The following MTFR2 variants were observed in gnomAD, a reference collection of about 807,000 sequenced individuals.
MTFR2 encodes mitochondrial fission regulator 2.
MTFR2 carries 44 observed loss-of-function variants against 41.2 expected under a neutral mutation model. That is an observed-to-expected ratio of 1.07 (90% confidence interval 0.84 to 1.37). The LOEUF (loss-of-function observed/expected upper bound fraction) is 1.37, where lower values mean the gene tolerates loss of function less well. MTFR2 is among the 40% of genes most tolerant of loss of function. The probability of loss-of-function intolerance (pLI) is 0.00; values close to 1 mark genes in which losing one functional copy is unlikely to be tolerated. For missense variants in MTFR2, 452 were observed against 459.5 expected (o/e 0.98, Z 0.15); for synonymous variants, 141 against 154.6 (o/e 0.91, Z 0.65).
At chr6:136,245,106 T>C (rs1426441210) in intron 2 of MTFR2, among the ~76,000 whole-genome samples, 1 of 152,138 alleles carries the variant, frequency 6.6e-6, no homozygotes, top group African/African-American at 2.4e-5. Flanking sequence ...TAAACATATA[T>C]ACATTCCAGG....
intron 6 of MTFR2, among the ~76,000 whole-genome samples, chr6:136,236,841 G>A (rs1779920338): frequency 6.6e-6 from 1 of 152,140 alleles, no homozygotes. Flanking sequence ...TTCCAAGTAA[G>A]CATGGCAAAT....
intron 6 of MTFR2, among the ~76,000 whole-genome samples, chr6:136,236,046 T>C (rs544320319): frequency 2.6e-5 from 4 of 151,790 alleles, no homozygotes; most frequent in African/African-American, 9.7e-5. Context: ...CCACATGGAG[T>C]CACTGGTGAA....
Position 136,241,628 on chromosome 6 carries a change from A to C in MTFR2, c.330T>G (p.Pro110=). The C allele has an allele frequency of 6.2e-7, 1 of 1,613,438 alleles. No individual in the cohort carries two copies. Among genetic ancestry groups the C allele is most frequent in the Non-Finnish European group, 8.5e-7 (1 of 1,179,878 alleles). Residue 110 remains proline, a synonymous_variant, in exon 5 of 8, where the codon CCT becomes CCG. Transcript: ENST00000420702. The part of the protein sequence containing the change: ...NEEEKVEIFH[P]LRLVRDPLSP... ...ACAGTGGATCCCGAACTAGTCGCAAAGGATGAAAAATTTCCACTTTCTCTT... is the reference window on the plus strand; with the variant it reads ...ACAGTGGATCCCGAACTAGTCGCAACGGATGAAAAATTTCCACTTTCTCTT...
At chr6:136,244,710 G>T (rs965390242) in intron 3 of MTFR2, 55 bp downstream of exon 3, 2 of 1,209,260 alleles carry the variant, frequency 1.7e-6, no homozygotes, top group Non-Finnish European at 2.4e-6. Context: ...ACCTGTAAGA[G>T]TACCTAGGAT....
Position 136,238,678 on chromosome 6 carries a change from CCACA to C in MTFR2, c.869+784_869+787del, listed in dbSNP as rs60002962. Among the ~76,000 whole-genome samples the C allele has an allele frequency of 5.4e-3, 785 of 146,418 alleles. 2 individuals carry two copies. The highest frequency in any genetic ancestry group is 0.017 in the African/African-American group (661 of 39,794). On this transcript the variant is annotated intron_variant, in intron 6 of 7. Transcript: ENST00000420702. ...GAATAGAGCTCATTATGTTTTTTCA[CCACA>C]CACACACACACACACACACACACAC...
At position 136,235,918 on chromosome 6, in the gene MTFR2, G is replaced by A. The variant is rs370057450; in HGVS notation, c.870-2419C>T. 2.8e-4 allele frequency among the ~76,000 whole-genome samples: 42 copies of A among 152,064 alleles called. No individual in the cohort carries two copies. The East Asian group carries it at 4.5e-3, about 16-fold the overall frequency. On this transcript the variant is annotated intron_variant, in intron 6 of 7. Transcript: ENST00000420702. ...CTGCACTCCAGCCTGGCAACAGAGC[G>A]AGACTCCGTCTCAAAAAAAAAAAGA...
At chr6:136,246,777 A>G (rs748286578) in intron 2 of MTFR2, among the ~76,000 whole-genome samples, 3 of 152,184 alleles carry the variant, frequency 2.0e-5, no homozygotes, top group Non-Finnish European at 2.9e-5. Flanking sequence ...TACTGTAATT[A>G]CTCTTAGCTA....
At chr6:136,243,213 A>G (rs1455212715) in intron 3 of MTFR2, among the ~76,000 whole-genome samples, 2 of 152,198 alleles carry the variant, frequency 1.3e-5, no homozygotes, top group Non-Finnish European at 2.9e-5. Flanking sequence ...GCAAAATAAA[A>G]TTAAGCTCTT....
chr6:136,249,802 T>C (rs1303403584), intron 1 of MTFR2, among the ~76,000 whole-genome samples, 174 bp downstream of exon 1: 1 of 152,140 alleles, frequency 6.6e-6, no homozygotes, highest in African/African-American at 2.4e-5. Flanking sequence ...TCCCCAGCCA[T>C]GTGGAATGCC....
At position 136,233,467 on chromosome 6, in the gene MTFR2, T is replaced by C. The variant is rs1374150174; in HGVS notation, c.902A>G (p.Lys301Arg). ...TGGATCCCAATGTGAATTCTGTCTT[T>C]TCCTCTTATGAATGGGTCTACCGCC... is the stretch of plus-strand genomic sequence containing the variant. ...SPGGRPIHKR[K>R]RQNSHWDPVS... The change falls in exon 7 of 8, where the codon AAA (lysine) becomes AGA (arginine). Residue 301 changes from lysine (K) to arginine (R), a missense_variant. Coordinates refer to ENST00000420702, the MANE Select transcript of MTFR2 (RefSeq NM_001099286.3). 1.1e-5 allele frequency: 18 copies of C among 1,580,724 alleles called. No homozygotes were observed. The highest frequency in any genetic ancestry group is 1.4e-5 in the Non-Finnish European group (16 of 1,157,590).
chr6:136,243,706 C>A (rs1003880146), intron 3 of MTFR2, among the ~76,000 whole-genome samples: 1 of 141,392 alleles, frequency 7.1e-6, no homozygotes, highest in Non-Finnish European at 1.5e-5. Context: ...GACAGCAAGA[C>A]CTTATCTTAA....
intron 6 of MTFR2, among the ~76,000 whole-genome samples, chr6:136,237,559 C>A (rs1779939949): frequency 6.6e-6 from 1 of 152,090 alleles, no homozygotes; most frequent in Non-Finnish European, 1.5e-5. Context: ...CACCTGTAAT[C>A]CCAGCACTTT....
chr6:136,241,533 A>T lies in MTFR2; in HGVS notation c.425T>A (p.Ile142Lys). Residue 142 changes from isoleucine to lysine, a missense_variant, in exon 5 of 8, where the codon ATA becomes AAA. Physicochemically the swap from Ile to Lys is moderately radical, Grantham distance 102. Transcript: ENST00000420702. ...AGTCAGCTCATTTTCAAGGGCAGCT[A>T]TTTTTCTAATTGCAGCTTCATTTAC... ...LPVNEAAIRK[I>K]AALENELTFL... The T allele has an allele frequency of 6.2e-7, 1 of 1,614,120 alleles. No individual in the cohort carries two copies. The highest frequency in any genetic ancestry group is 8.5e-7 in the Non-Finnish European group (1 of 1,180,026).
At chr6:136,240,827 C>T (rs1490040929) in intron 5 of MTFR2, among the ~76,000 whole-genome samples, 1 of 148,444 alleles carries the variant, frequency 6.7e-6, no homozygotes, top group South Asian at 2.1e-4. Context: ...CGCGGTGGCT[C>T]ACGCCTGTAA....
At chr6:136,231,530 T>G in intron 7 of MTFR2, 142 bp from the exon 8 acceptor site, 1 of 606,930 alleles carries the variant, frequency 1.6e-6, no homozygotes, top group Non-Finnish European at 2.9e-6. Flanking sequence ...ACATAGTTAT[T>G]TGGCTATGTA....
At chr6:136,235,749 C>T (rs985085697) in intron 6 of MTFR2, among the ~76,000 whole-genome samples, 3 of 152,016 alleles carry the variant, frequency 2.0e-5, no homozygotes, top group Non-Finnish European at 2.9e-5. Flanking sequence ...CTGGCCAATA[C>T]GGTGAAACCC....
Position 136,241,777 on chromosome 6 carries a change from CA to C in MTFR2, c.282-102del, listed in dbSNP as rs1170345247. ...ACGTGAAAATCAAAAGACAATAAAA[CA>C]AAATAAAAGCTACTCTCAGGCCGGG... On this transcript the variant is annotated intron_variant, in intron 4 of 7. Coordinates refer to ENST00000420702, the MANE Select transcript of MTFR2 (RefSeq NM_001099286.3). 6 of 916,264 alleles carry C rather than the reference CA, an allele frequency of 6.5e-6. No homozygotes were observed. In the Admixed American group the frequency reaches 1.7e-4, roughly 26 times the overall value. The allele number at this position is 916,264 out of a possible 1,614,324, so 56.8% of individuals were successfully genotyped here.
chr6:136,236,045 G>A (rs748714363), intron 6 of MTFR2, among the ~76,000 whole-genome samples: 2 of 152,252 alleles, frequency 1.3e-5, no homozygotes, highest in Non-Finnish European at 2.9e-5. Context: ...GCCACATGGA[G>A]TCACTGGTGA....
rs1022503411 is a variant in MTFR2, at chr6:136,233,483, G to A, written c.886C>T (p.Pro296Ser). 1 of 1,524,566 alleles carries A rather than the reference G, an allele frequency of 6.6e-7. No homozygotes were observed. Among genetic ancestry groups the A allele is most frequent in the Non-Finnish European group, 8.9e-7 (1 of 1,127,784 alleles). 94.4% of individuals were successfully genotyped at this position (1,524,566 alleles called of 1,614,324 possible). The change falls in exon 7 of 8, where the codon CCC (proline) becomes TCC (serine). Residue 296 changes from proline (P) to serine (S), a missense_variant. Pro to Ser is a moderately conservative substitution (Grantham distance 74). Transcript: ENST00000420702. Reference protein sequence around the residue: ...RAIERSPGGRPIHKRKRQNSH... With the variant: ...RAIERSPGGRSIHKRKRQNSH... ...TTCTGTCTTTTCCTCTTATGAATGG[G>A]TCTACCGCCAGGTGACCTATTTTTT...
Sources: allele counts gnomAD v4.1 joint callset (sites outside exome capture counted in the v4.1 genomes callset), GRCh38; gene constraint gnomAD v4.1.1; transcripts MANE v1.5; gene names NCBI Gene and HGNC (gene_info 2026-07-23, HGNC 2026-07-21).